Variants in NCK1 observed in about 807,000 individuals in gnomAD.
The protein encoded by NCK1 is NCK adaptor protein 1, also known as SH2/SH3 adapter protein NCK1.
NCK1 carries 19 observed loss-of-function variants against 36.6 expected under a neutral mutation model. The ratio of observed to expected loss-of-function variants is 0.52; its 90% CI spans 0.36 to 0.76. The LOEUF (loss-of-function observed/expected upper bound fraction) is 0.76, where lower values mean the gene tolerates loss of function less well. Among genes scored for constraint, NCK1 ranks in the 30% least tolerant of loss-of-function variants. The pLI, the probability that NCK1 is intolerant of heterozygous loss-of-function variation, is 0.00. For missense variants in NCK1, 358 were observed against 445.6 expected (o/e 0.80, Z 1.77); for synonymous variants, 165 against 156.0 (o/e 1.06, Z -0.43).
At position 136,898,511 on chromosome 3, in the gene NCK1, T is replaced by C. The variant is rs1576961816; in HGVS notation, c.-18-29473T>C. On this transcript the variant is annotated intron_variant, in intron 1 of 3. Transcript: ENST00000481752. The stretch of plus-strand genomic sequence containing the variant: ...AAATGTCTTCAAATTCTATTTGTTA[T>C]AGAATAACCATCTAAATAGGAGACA... 2.0e-5 allele frequency among the ~76,000 whole-genome samples: 3 copies of C among 152,184 alleles called. No individual in the cohort carries two copies. The South Asian group carries it at 6.2e-4, about 32-fold the overall frequency.
intron 1 of NCK1, among the ~76,000 whole-genome samples, chr3:136,867,056 CTT>C (rs56346960): frequency 0.019 from 5 of 262 alleles, no homozygotes; most frequent in Middle Eastern, 0.5. Context: ...GCTTTTCTTT[CTT>C]TCTTTCTTTC....
chr3:136,893,197 C>CACACACACACACACACCAT (rs1433214410), intron 1 of NCK1, among the ~76,000 whole-genome samples: 3 of 118,522 alleles, frequency 2.5e-5, no homozygotes, highest in Admixed American at 8.6e-5. Flanking sequence ...TATATACACA[C>CACACACACACACACACCAT]ATGTGCAAGT....
chr3:136,876,066 C>T (rs1354608617), intron 1 of NCK1, among the ~76,000 whole-genome samples: 15 of 151,614 alleles, frequency 9.9e-5, no homozygotes, highest in Non-Finnish European at 5.9e-5. Flanking sequence ...GGGTACATAA[C>T]GAAATGAAGG....
intron 1 of NCK1, among the ~76,000 whole-genome samples, chr3:136,888,033 C>T (rs1939120836): frequency 6.6e-6 from 1 of 151,702 alleles, no homozygotes; most frequent in South Asian, 2.1e-4. Context: ...TAACCTCCGA[C>T]TCCTAGGTTC....
Position 136,946,632 on chromosome 3 carries a change from T to C in NCK1, c.939+337T>C, listed in dbSNP as rs375554492. On this transcript the variant is annotated intron_variant, in intron 3 of 3. Coordinates refer to ENST00000481752, the MANE Select transcript of NCK1 (RefSeq NM_001291999.2). ...CTTCATTGAGAGTAGAATAATACTA[T>C]AGATTAAACTGGGAAACATTTAAAA... is the stretch of plus-strand genomic sequence containing the variant. 6.6e-5 allele frequency among the ~76,000 whole-genome samples: 10 copies of C among 152,264 alleles called. No homozygotes were observed. The East Asian group carries it at 1.7e-3, about 26-fold the overall frequency.
chr3:136,928,373 C>G (rs1940300772), intron 2 of NCK1, 146 bp downstream of exon 2: 3 of 695,828 alleles, frequency 4.3e-6, no homozygotes, highest in Non-Finnish European at 7.1e-6. Context: ...GTGGTCAACC[C>G]AGAAGACCAG....
intron 1 of NCK1, among the ~76,000 whole-genome samples, chr3:136,908,873 C>A (rs886434852): frequency 1.3e-5 from 2 of 151,960 alleles, no homozygotes; most frequent in African/African-American, 4.8e-5. Flanking sequence ...GAATGTGTAC[C>A]CCAAAGTTAA....
At chr3:136,900,934 AC>A (rs1318132810) in intron 1 of NCK1, among the ~76,000 whole-genome samples, 13 of 152,148 alleles carry the variant, frequency 8.5e-5, no homozygotes, top group African/African-American at 2.9e-4. Context: ...TCTGGCTAGG[AC>A]TTGCAGTACT....
chr3:136,930,720 T>C, intron 2 of NCK1: 1 of 718,740 alleles, frequency 1.4e-6, no homozygotes, highest in Non-Finnish European at 1.9e-6. Flanking sequence ...TATGTGTATG[T>C]AATATAAACC....
At chr3:136,931,369 C>T (rs1940386499) in intron 2 of NCK1, among the ~76,000 whole-genome samples, 1 of 152,038 alleles carries the variant, frequency 6.6e-6, no homozygotes. Context: ...CTCTTATGCA[C>T]AACAAGCCTA....
In NCK1 at chr3:136,950,498, A is replaced by T. The variant is rs1160051189; in HGVS notation, c.*2045A>T. Among the ~76,000 whole-genome samples, 1 of 152,116 alleles carries T rather than the reference A, an allele frequency of 6.6e-6. No homozygotes were observed. Among genetic ancestry groups the T allele is most frequent in the Non-Finnish European group, 1.5e-5 (1 of 67,988 alleles). ...TGTGTGCTCTTACTATGGTATAAAA[A>T]CCTCGCTGGAAGCTACTTATTTTGT... On this transcript the variant is annotated 3_prime_UTR_variant, in exon 4 of 4. Transcript: ENST00000481752.
At chr3:136,881,721 G>T (rs1443569851) in intron 1 of NCK1, among the ~76,000 whole-genome samples, 1 of 152,056 alleles carries the variant, frequency 6.6e-6, no homozygotes, top group Non-Finnish European at 1.5e-5. Flanking sequence ...TATTCTTCAT[G>T]TTTCTCCTTT....
At chr3:136,927,586 A>G (rs1940275274) in intron 1 of NCK1, among the ~76,000 whole-genome samples, 1 of 152,116 alleles carries the variant, frequency 6.6e-6, no homozygotes, top group Admixed American at 6.5e-5. Flanking sequence ...CAGTGGTGCG[A>G]TATCGGCTCA....
rs773593965 is a variant in NCK1, at chr3:136,928,120, G to A, written c.119G>A (p.Arg40Gln). The A allele has an allele frequency of 1.9e-6, 3 of 1,614,148 alleles. No homozygotes were observed. Among genetic ancestry groups the A allele is most frequent in the East Asian group, 2.2e-5 (1 of 44,872 alleles). Residue 40 changes from arginine to glutamine, a missense_variant, in exon 2 of 4, where the codon CGA becomes CAA. Arg to Gln is a conservative substitution (Grantham distance 43, BLOSUM62 1). This residue lies in a region of NCK1 where 143 missense variants were observed against 162.4 expected (regional missense o/e 0.88). Coordinates refer to ENST00000481752, the MANE Select transcript of NCK1 (RefSeq NM_001291999.2). The stretch of plus-strand genomic sequence containing the variant: ...CTGGATGATTCTAAGTCCTGGTGGC[G>A]AGTTCGAAATTCCATGAATAAAACA... Reference protein sequence around the residue: ...WLLDDSKSWWRVRNSMNKTGF... With the variant: ...WLLDDSKSWWQVRNSMNKTGF...
chr3:136,872,809 T>C (rs1326868420), intron 1 of NCK1, among the ~76,000 whole-genome samples: 2 of 152,092 alleles, frequency 1.3e-5, no homozygotes, highest in Non-Finnish European at 2.9e-5. Context: ...CTTCAGAGGG[T>C]GCAAGCCCCA....
chr3:136,900,643 T>C (rs1939517429), intron 1 of NCK1, among the ~76,000 whole-genome samples: 1 of 152,184 alleles, frequency 6.6e-6, no homozygotes, highest in Non-Finnish European at 1.5e-5. Context: ...GGGAATGCCT[T>C]CTTGATTTCT....
At chr3:136,868,762 A>T (rs921994404) in intron 1 of NCK1, among the ~76,000 whole-genome samples, 6 of 152,256 alleles carry the variant, frequency 3.9e-5, no homozygotes, top group Middle Eastern at 3.2e-3. Flanking sequence ...TGGATACAGA[A>T]CAATGTAATG....
intron 1 of NCK1, among the ~76,000 whole-genome samples, chr3:136,881,814 A>C (rs1324548602): frequency 6.6e-6 from 1 of 152,154 alleles, no homozygotes; most frequent in Non-Finnish European, 1.5e-5. Context: ...ATTTCACTTA[A>C]TGTCTTGAAG....
At chr3:136,942,790 A>C (rs1940710767) in intron 2 of NCK1, among the ~76,000 whole-genome samples, 1 of 151,998 alleles carries the variant, frequency 6.6e-6, no homozygotes, top group Non-Finnish European at 1.5e-5. Context: ...TCCTTGTCCC[A>C]GTTGTTGTCC....
Sources: allele counts gnomAD v4.1 joint callset (sites outside exome capture counted in the v4.1 genomes callset), GRCh38; gene constraint gnomAD v4.1.1; regional missense constraint gnomAD v4.1.1; transcripts MANE v1.5; gene names NCBI Gene and HGNC (gene_info 2026-07-23, HGNC 2026-07-21).